ZNF385D: variants seen among roughly 807,000 people sequenced by gnomAD.
ZNF385D encodes zinc finger protein 659.
A neutral mutation model predicts 35.8 loss-of-function variants in ZNF385D; 15 were observed. The observed-to-expected ratio is 0.42, with a 90% CI of 0.28 to 0.64. The LOEUF is 0.64. Among genes scored for constraint, ZNF385D ranks in the 30% least tolerant of loss-of-function variants. The pLI is 0.23. For synonymous variants in ZNF385D, 212 were observed against 186.8 expected (o/e 1.13, Z -1.10); for missense variants, 474 against 494.6 (o/e 0.96, Z 0.39).
chr3:22,184,953 T>A (rs919713814), intron 2 of ZNF385D, among the ~76,000 whole-genome samples: 9 of 152,098 alleles, frequency 5.9e-5, no homozygotes, highest in Non-Finnish European at 1.3e-4. Flanking sequence ...ATTTTTTTTT[T>A]AAATCCTGCC....
chr3:21,997,758 ATAT>A (rs1695558668), intron 3 of ZNF385D, among the ~76,000 whole-genome samples: 1 of 152,142 alleles, frequency 6.6e-6, no homozygotes, highest in Non-Finnish European at 1.5e-5. Context: ...ATGGCAGATA[ATAT>A]TATAAAGTAG....
chr3:21,904,546 G>A (rs143192277), intron 3 of ZNF385D, among the ~76,000 whole-genome samples: 73 of 152,182 alleles, frequency 4.8e-4, no homozygotes, highest in Non-Finnish European at 1.0e-4. Flanking sequence ...GCAAAGTCAC[G>A]TCATCTTTCT....
chr3:21,949,537 C>CT (rs200708584), intron 3 of ZNF385D, among the ~76,000 whole-genome samples: 1 of 112,110 alleles, frequency 8.9e-6, no homozygotes, highest in Admixed American at 1.1e-4. Flanking sequence ...TATTTTCTTT[C>CT]CTTCTTTTCT....
chr3:22,050,043 G>C (rs1247289038), intron 3 of ZNF385D, among the ~76,000 whole-genome samples: 2 of 152,096 alleles, frequency 1.3e-5, no homozygotes, highest in Admixed American at 6.6e-5. Context: ...TTTTGGAGCA[G>C]TTTGAGAAGG....
At chr3:21,948,856 A>G (rs959213553) in intron 3 of ZNF385D, among the ~76,000 whole-genome samples, 5 of 152,146 alleles carry the variant, frequency 3.3e-5, no homozygotes, top group African/African-American at 1.2e-4. Flanking sequence ...TCTTTGATCT[A>G]AAAATCTTGT....
At chr3:21,741,090 T>C (rs570357409) in intron 1 of ZNF385D, among the ~76,000 whole-genome samples, 1 of 152,274 alleles carries the variant, frequency 6.6e-6, no homozygotes, top group East Asian at 1.9e-4. Flanking sequence ...ATTCTTCTTC[T>C]GTGAGCAGTG....
chr3:21,797,964 T>C (rs2072227368), intron 3 of ZNF385D, among the ~76,000 whole-genome samples: 1 of 152,154 alleles, frequency 6.6e-6, no homozygotes, highest in Admixed American at 6.5e-5. Flanking sequence ...ATTAGAAGTG[T>C]ATTCAAACCC....
intron 4 of ZNF385D, among the ~76,000 whole-genome samples, chr3:21,487,213 C>T (rs1330439339): frequency 1.3e-5 from 2 of 152,078 alleles, no homozygotes; most frequent in African/African-American, 4.8e-5. Context: ...GGAAAAATGC[C>T]TCCAGTGTTT....
chr3:21,672,547 A>G (rs1379790081), intron 1 of ZNF385D, among the ~76,000 whole-genome samples: 1 of 152,126 alleles, frequency 6.6e-6, no homozygotes, highest in African/African-American at 2.4e-5. Flanking sequence ...TTGGAGCTCC[A>G]TTCTGGAAAT....
chr3:21,941,098 T>C (rs999837667), intron 3 of ZNF385D, among the ~76,000 whole-genome samples: 1 of 152,228 alleles, frequency 6.6e-6, no homozygotes, highest in Non-Finnish European at 1.5e-5. Context: ...TAACACCTAC[T>C]TTGTATTCTG....
At chr3:21,830,530 T>A (rs1315643730) in intron 3 of ZNF385D, among the ~76,000 whole-genome samples, 1 of 152,214 alleles carries the variant, frequency 6.6e-6, no homozygotes, top group East Asian at 1.9e-4. Flanking sequence ...TGCTATTAAA[T>A]TGATTCTGTA....
chr3:22,013,476 C>T (rs914571953), intron 3 of ZNF385D, among the ~76,000 whole-genome samples: 1 of 151,956 alleles, frequency 6.6e-6, no homozygotes, highest in East Asian at 1.9e-4. Flanking sequence ...ATATTTATTG[C>T]TGATTTAGGG....
chr3:22,328,362 T>TA (rs1694772298), intron 2 of ZNF385D, among the ~76,000 whole-genome samples: 1 of 152,182 alleles, frequency 6.6e-6, no homozygotes, highest in South Asian at 2.1e-4. Context: ...AAATTTAACA[T>TA]AATTTAATGA....
At chr3:22,334,794 G>C (rs1024401491) in intron 2 of ZNF385D, among the ~76,000 whole-genome samples, 3 of 151,932 alleles carry the variant, frequency 2.0e-5, no homozygotes, top group Non-Finnish European at 1.5e-5. Flanking sequence ...GCTTTTCTTC[G>C]TAATTTCTGG....
chr3:22,326,709 T>C (rs894476572), intron 2 of ZNF385D, among the ~76,000 whole-genome samples: 1 of 152,172 alleles, frequency 6.6e-6, no homozygotes, highest in Admixed American at 6.5e-5. Context: ...TTTAAAACAT[T>C]TTAGTGACAA....
chr3:22,143,016 AT>A (rs200896156), intron 3 of ZNF385D, among the ~76,000 whole-genome samples: 6,199 of 150,844 alleles, frequency 0.041, 329 homozygotes, highest in African/African-American at 0.12. Context: ...GACAATAATA[AT>A]AAAAAAAAAA....
At chr3:21,441,211 T>C (rs1306123886) in intron 4 of ZNF385D, among the ~76,000 whole-genome samples, 1 of 152,148 alleles carries the variant, frequency 6.6e-6, no homozygotes, top group Non-Finnish European at 1.5e-5. Context: ...TGGCATGAAA[T>C]GGGCACTCAA....
intron 4 of ZNF385D, among the ~76,000 whole-genome samples, chr3:21,484,835 T>C (rs985449064): frequency 6.6e-6 from 1 of 152,128 alleles, no homozygotes; most frequent in Non-Finnish European, 1.5e-5. Context: ...AGCAGACTTG[T>C]CTTGGGACTA....
At chr3:22,158,738 C>T (rs906478012) in intron 3 of ZNF385D, among the ~76,000 whole-genome samples, 2 of 151,760 alleles carry the variant, frequency 1.3e-5, no homozygotes, top group Non-Finnish European at 2.9e-5. Flanking sequence ...ACAAAAAACA[C>T]GGTGGTTAAG....
Sources: allele counts gnomAD v4.1 joint callset (sites outside exome capture counted in the v4.1 genomes callset), GRCh38; gene constraint gnomAD v4.1.1; transcripts MANE v1.5; gene names NCBI Gene and HGNC (gene_info 2026-07-23, HGNC 2026-07-21).